ETV3: variants seen among roughly 807,000 people sequenced by gnomAD.
ETV3 encodes ETS variant transcription factor 3.
Under a neutral mutation model 33.0 loss-of-function variants are expected in ETV3, and 8 were observed. That is an observed-to-expected ratio of 0.24 (90% CI 0.14 to 0.44). The LOEUF (loss-of-function observed/expected upper bound fraction) is 0.44. ETV3 is among the 20% of genes least tolerant of loss of function. The probability of loss-of-function intolerance (pLI) is 1.00; values close to 1 mark genes in which losing one functional copy is unlikely to be tolerated. For synonymous variants in ETV3, 222 were observed against 238.9 expected, an observed-to-expected ratio of 0.93 and a Z score of 0.65; for missense variants, 473 against 652.3, an observed-to-expected ratio of 0.73 and a Z score of 2.99.
At chr1:157,131,742 C>T (rs949729094) in intron 4 of ETV3, among the ~76,000 whole-genome samples, 3 of 152,010 alleles carry the variant, frequency 2.0e-5, no homozygotes, top group African/African-American at 4.8e-5. Flanking sequence ...AGTTGAATAA[C>T]GTAATTCACA....
At position 157,124,912 on chromosome 1, in the gene ETV3, T is replaced by A; in HGVS notation, c.1468A>T (p.Ser490Cys). 1 of 1,551,694 alleles carries A rather than the reference T, an allele frequency of 6.4e-7. No individual in the cohort carries two copies. Among genetic ancestry groups the A allele is most frequent in the Non-Finnish European group, 8.7e-7 (1 of 1,146,986 alleles). ...WNDDPEAREL[S>C]KSGKFLWNGS... ...TTCCAGAGAAACTTGCCACTCTTGCTCAGCTCTCGGGCTTCAGGGTCATCA... is the reference window on the plus strand; with the variant it reads ...TTCCAGAGAAACTTGCCACTCTTGCACAGCTCTCGGGCTTCAGGGTCATCA... The change falls in exon 5 of 5, where the codon AGC (serine) becomes TGC (cysteine). Residue 490 changes from serine to cysteine, a missense_variant. Coordinates refer to ENST00000368192, the MANE Select transcript of ETV3 (RefSeq NM_001145312.3).
At position 157,128,297 on chromosome 1, in the gene ETV3, G is replaced by C. The variant is rs571574958; in HGVS notation, c.401-2318C>G. On this transcript the variant is annotated intron_variant, in intron 4 of 4. Transcript: ENST00000368192. ...TTTTTTTTTAAGCCACTGATTTAGA[G>C]AGCAGGACGTCTGGCTTCCGAGCAG... 1.1e-4 allele frequency: 17 copies of C among 159,950 alleles called. No individual in the cohort carries two copies. The South Asian group carries it at 2.6e-3, about 25-fold the overall frequency. The allele number at this position is 159,950 out of a possible 1,614,324, so 9.9% of individuals were successfully genotyped here.
intron 1 of ETV3, among the ~76,000 whole-genome samples, chr1:157,137,090 A>C (rs1291483962): frequency 1.3e-5 from 2 of 152,202 alleles, no homozygotes; most frequent in Non-Finnish European, 2.9e-5. Flanking sequence ...CCTTCTGGCC[A>C]GTGAGTGGAA....
At chr1:157,136,242 T>TG in intron 2 of ETV3, 65 bp downstream of exon 2, 1 of 1,465,732 alleles carries the variant, frequency 6.8e-7, no homozygotes, top group South Asian at 1.1e-5. Flanking sequence ...AGAGCTCAAG[T>TG]GGAGAGGACA....
chr1:157,127,310 T>C (rs768925746), intron 4 of ETV3, among the ~76,000 whole-genome samples: 19 of 152,338 alleles, frequency 1.2e-4, no homozygotes, highest in Non-Finnish European at 2.2e-4. Flanking sequence ...TATTACCAAG[T>C]GTTTTATCAT....
chr1:157,125,751 G>A lies in ETV3; in HGVS notation c.629C>T (p.Ser210Phe). 1 of 1,551,528 alleles carries A rather than the reference G, an allele frequency of 6.4e-7. No homozygotes were observed. The highest frequency in any genetic ancestry group is 8.7e-7 in the Non-Finnish European group (1 of 1,146,956). ...ADWRRGVDPV[S>F]SRNAIGGGGI... The stretch of plus-strand genomic sequence containing the variant: ...TCCTCCACCAATGGCATTCCTGGAG[G>A]ACACGGGATCCACACCCCGGCGCCA... The change falls in exon 5 of 5, where the codon TCC (serine) becomes TTC (phenylalanine). Residue 210 changes from serine (S) to phenylalanine (F), a missense_variant. Physicochemically the swap from Ser to Phe is radical, Grantham distance 155. This residue lies in a region of ETV3 where 410 missense variants were observed against 520.2 expected (regional missense o/e 0.79). Coordinates refer to ENST00000368192, the MANE Select transcript of ETV3 (RefSeq NM_001145312.3). The surrounding 1 kb of genome is among the most constrained non-coding windows in gnomAD (Gnocchi z 4.0).
intron 4 of ETV3, among the ~76,000 whole-genome samples, chr1:157,126,612 C>G (rs1312889717): frequency 1.3e-5 from 2 of 152,270 alleles, no homozygotes; most frequent in Admixed American, 1.3e-4. Context: ...ACATGCTATC[C>G]CATTTTTCCT....
chr1:157,128,829 T>C (rs889562202), intron 4 of ETV3, among the ~76,000 whole-genome samples: 1 of 152,228 alleles, frequency 6.6e-6, no homozygotes, highest in East Asian at 1.9e-4. Flanking sequence ...GACTTGAGAT[T>C]AGATGAATAT....
Position 157,123,949 on chromosome 1 carries a change from G to A in ETV3, c.*892C>T, listed in dbSNP as rs917084604. ...AAACCCACAATAGAAAAGGAAAAAT[G>A]AGTATTTTGTTTTTCATCTGTTTTG... On this transcript the variant is annotated 3_prime_UTR_variant, in exon 5 of 5. Transcript: ENST00000368192. The A allele has an allele frequency of 1.3e-5, 2 of 152,112 alleles. No individual in the cohort carries two copies. The highest frequency in any genetic ancestry group is 2.9e-5 in the Non-Finnish European group (2 of 68,022). The allele number at this position is 152,112 out of a possible 1,614,324, so 9.4% of individuals were successfully genotyped here.
At chr1:157,137,085 T>C (rs369782297) in intron 1 of ETV3, among the ~76,000 whole-genome samples, 1 of 152,232 alleles carries the variant, frequency 6.6e-6, no homozygotes, top group African/African-American at 2.4e-5. Context: ...GAAGCCCTTC[T>C]GGCCAGTGAG....
chr1:157,131,426 T>C (rs745842432), intron 4 of ETV3, among the ~76,000 whole-genome samples: 2 of 152,242 alleles, frequency 1.3e-5, no homozygotes, highest in Non-Finnish European at 2.9e-5. Context: ...TTTAGAGTAC[T>C]TATCACATTT....
chr1:157,136,331 C>G lies in ETV3; in HGVS notation c.22G>C (p.Val8Leu), dbSNP rs757139556. The change falls in exon 2 of 5, where the codon GTG (valine) becomes CTG (leucine). Residue 8 changes from valine to leucine, a missense_variant. By Grantham distance (32) the Val-to-Leu change is conservative (BLOSUM62 1). This residue lies in a region of ETV3 where 33 missense variants were observed against 37.1 expected (regional missense o/e 0.89). Transcript: ENST00000368192. ...CCTCCACCTCCTTCTGGCTTTTCCACGATGCTACAGCCGGCTTTCATTTTC... is the reference window on the plus strand; with the variant it reads ...CCTCCACCTCCTTCTGGCTTTTCCAGGATGCTACAGCCGGCTTTCATTTTC... MKAGCSI[V>L]EKPEGGGGYQ... 3.1e-6 allele frequency: 5 copies of G among 1,611,326 alleles called. 1 individual carries two copies. The South Asian group carries it at 5.5e-5, about 18-fold the overall frequency.
At chr1:157,127,949 C>T (rs1280330911) in intron 4 of ETV3, among the ~76,000 whole-genome samples, 2 of 151,960 alleles carry the variant, frequency 1.3e-5, no homozygotes, top group East Asian at 1.9e-4. Context: ...GTGGGTTCCT[C>T]GGAGGTGTCA....
At chr1:157,126,030 T>A (rs1224687528) in intron 4 of ETV3, 51 bp from the exon 5 acceptor site, 2 of 1,435,862 alleles carry the variant, frequency 1.4e-6, no homozygotes, top group Admixed American at 5.2e-5. Flanking sequence ...GCTCATTCAT[T>A]ATCATCACTT....
intron 3 of ETV3, 71 bp from the exon 4 acceptor site, chr1:157,134,298 C>G: frequency 3.9e-6 from 6 of 1,545,102 alleles, no homozygotes; most frequent in Non-Finnish European, 4.3e-6. Flanking sequence ...TAGGTAGCCA[C>G]TGAGACCAAC....
chr1:157,126,855 A>G (rs1425549978), intron 4 of ETV3, among the ~76,000 whole-genome samples: 1 of 149,420 alleles, frequency 6.7e-6, no homozygotes, highest in Non-Finnish European at 1.5e-5. Flanking sequence ...GGAGGGGAAG[A>G]GCTGCCCTGG....
intron 4 of ETV3, chr1:157,133,755 A>C (rs1009644969): frequency 2.0e-6 from 2 of 1,024,524 alleles, no homozygotes; most frequent in Non-Finnish European, 2.3e-6. Context: ...ACAGGTTCCC[A>C]TCTATGAAAG....
At position 157,133,124 on chromosome 1, in the gene ETV3, T is replaced by A. The variant is rs1019770234; in HGVS notation, c.400+988A>T. 3 of 152,706 alleles carry A rather than the reference T, an allele frequency of 2.0e-5. 1 individual carries two copies. The highest frequency in any genetic ancestry group is 7.2e-5 in the African/African-American group (3 of 41,452). 9.5% of individuals were successfully genotyped at this position (152,706 alleles called of 1,614,324 possible). On this transcript the variant is annotated intron_variant, in intron 4 of 4. Coordinates refer to ENST00000368192, the MANE Select transcript of ETV3 (RefSeq NM_001145312.3). ...TTACCCACAAAGGTCTGAAAATAGG[T>A]CTGTACAGTACACAAAGATATTTTG...
chr1:157,133,916 T>C, intron 4 of ETV3, 196 bp downstream of exon 4: 1 of 1,393,484 alleles, frequency 7.2e-7, no homozygotes, highest in Non-Finnish European at 9.3e-7. Flanking sequence ...ACCAAAGAAA[T>C]CTATCTTGAT....
Sources: allele counts gnomAD v4.1 joint callset (sites outside exome capture counted in the v4.1 genomes callset), GRCh38; gene constraint gnomAD v4.1.1; regional missense constraint gnomAD v4.1.1; non-coding constraint Gnocchi (gnomAD v3.1); transcripts MANE v1.5; gene names NCBI Gene and HGNC (gene_info 2026-07-23, HGNC 2026-07-21).